The following DHRSX variants were observed in gnomAD, a reference collection of about 807,000 sequenced individuals.
DHRSX encodes dehydrogenase/reductase X-linked.
DHRSX carries 31 observed loss-of-function variants against 34.0 expected under a neutral mutation model. The observed-to-expected ratio is 0.91, with a 90% confidence interval of 0.69 to 1.23. DHRSX has a LOEUF of 1.23. Ranked by LOEUF, DHRSX falls within the 50% of genes most tolerant of loss-of-function variation. The probability of loss-of-function intolerance (pLI) is 0.00; values close to 1 mark genes in which losing one functional copy is unlikely to be tolerated. For missense variants in DHRSX, 414 were observed against 428.1 expected, an observed-to-expected ratio of 0.97 and a Z score of 0.29; for synonymous variants, 201 against 183.8, an observed-to-expected ratio of 1.09 and a Z score of -0.76.
At chrX:2,483,855 C>G (rs1416015878) in intron 1 of DHRSX, among the ~76,000 whole-genome samples, 1 of 151,036 alleles carries the variant, frequency 6.6e-6, no homozygotes, top group Admixed American at 6.6e-5. Context: ...GGCCCACTCA[C>G]CAAGAACAGT....
At chrX:2,443,427 A>G (rs187841987) in intron 1 of DHRSX, among the ~76,000 whole-genome samples, 1 of 152,180 alleles carries the variant, frequency 6.6e-6, no homozygotes, top group East Asian at 1.9e-4. Flanking sequence ...TCAAGGCAGC[A>G]TGCAAAACCA....
At chrX:2,224,428 A>T (rs1437226660) in intron 6 of DHRSX, among the ~76,000 whole-genome samples, 1 of 152,010 alleles carries the variant, frequency 6.6e-6, no homozygotes, top group Non-Finnish European at 1.5e-5. Context: ...TGCATATTCA[A>T]TTGCGACACA....
intron 3 of DHRSX, among the ~76,000 whole-genome samples, chrX:2,403,992 T>C (rs1476745294): frequency 2.6e-5 from 4 of 152,174 alleles, no homozygotes; most frequent in Non-Finnish European, 4.4e-5. Flanking sequence ...GGATCACATA[T>C]GTGAATTTTG....
chrX:2,246,743 AG>A (rs2016303635), intron 5 of DHRSX, among the ~76,000 whole-genome samples: 1 of 111,314 alleles, frequency 9.0e-6, no homozygotes, highest in African/African-American at 2.7e-5. Context: ...AAAGAAAGAA[AG>A]AAAGAAAAAG....
intron 4 of DHRSX, among the ~76,000 whole-genome samples, chrX:2,271,204 A>G (rs1351194004): frequency 6.6e-6 from 1 of 152,232 alleles, no homozygotes; most frequent in Non-Finnish European, 1.5e-5. Context: ...CCAGAAGGAA[A>G]AAACTCCAGG....
intron 1 of DHRSX, among the ~76,000 whole-genome samples, chrX:2,451,619 C>T (rs950301150): frequency 2.0e-5 from 3 of 152,178 alleles, no homozygotes; most frequent in Non-Finnish European, 4.4e-5. Context: ...CTGAGACGGC[C>T]ACGTGCAGAG....
chrX:2,353,257 GC>G (rs2042809328), intron 3 of DHRSX, among the ~76,000 whole-genome samples: 1 of 151,940 alleles, frequency 6.6e-6, no homozygotes, highest in Non-Finnish European at 1.5e-5. Context: ...AAAAGAAAAA[GC>G]GTCCAACACC....
intron 3 of DHRSX, among the ~76,000 whole-genome samples, chrX:2,331,776 A>C (rs1206907551): frequency 6.6e-6 from 1 of 151,900 alleles, no homozygotes; most frequent in Non-Finnish European, 1.5e-5. Context: ...AAAAAGTTCT[A>C]CTCTGGGTAA....
intron 3 of DHRSX, among the ~76,000 whole-genome samples, chrX:2,370,829 G>A (rs2043049441): frequency 6.6e-6 from 1 of 152,092 alleles, no homozygotes; most frequent in South Asian, 2.1e-4. Context: ...TGGAGCAAAC[G>A]TCAGAGGATC....
chrX:2,358,173 G>T (rs895261911), intron 3 of DHRSX, among the ~76,000 whole-genome samples: 20 of 152,132 alleles, frequency 1.3e-4, no homozygotes, highest in African/African-American at 4.6e-4. Flanking sequence ...AAGTTTCAAA[G>T]AGCTTCTGCA....
At chrX:2,451,645 G>A (rs1480889021) in intron 1 of DHRSX, among the ~76,000 whole-genome samples, 1 of 152,218 alleles carries the variant, frequency 6.6e-6, no homozygotes, top group South Asian at 2.1e-4. Flanking sequence ...CAGGCTGGCT[G>A]CGTCTCTCAC....
chrX:2,477,884 A>G (rs1415637968), intron 1 of DHRSX, among the ~76,000 whole-genome samples: 2 of 151,258 alleles, frequency 1.3e-5, no homozygotes, highest in Non-Finnish European at 2.9e-5. Context: ...AGGTGCACAG[A>G]GGCAGCCAGG....
At chrX:2,252,726 A>T (rs1292905311) in intron 5 of DHRSX, among the ~76,000 whole-genome samples, 1 of 152,196 alleles carries the variant, frequency 6.6e-6, no homozygotes, top group Non-Finnish European at 1.5e-5. Context: ...CAGGAGGTGA[A>T]GAAATGAATC....
intron 1 of DHRSX, among the ~76,000 whole-genome samples, chrX:2,454,879 G>A (rs753466281): frequency 1.6e-4 from 25 of 152,070 alleles, no homozygotes; most frequent in African/African-American, 6.0e-4. Flanking sequence ...TTGGGAGGCC[G>A]AGGCGGGTGG....
chrX:2,356,021 G>A (rs1470472275), intron 3 of DHRSX, among the ~76,000 whole-genome samples: 2 of 149,080 alleles, frequency 1.3e-5, no homozygotes, highest in African/African-American at 5.0e-5. Context: ...AGCCGAGATT[G>A]CGCCATTGCA....
chrX:2,358,823 T>G lies in DHRSX; in HGVS notation c.286+49922A>C. On this transcript the variant is annotated intron_variant, in intron 3 of 6. Transcript: ENST00000334651. The stretch of plus-strand genomic sequence containing the variant: ...TCTGAAAAAGTGCATGTAACTAAAG[T>G]CAAAAACCAAAGCTACTTGCGAGGC... 2.0e-5 allele frequency among the ~76,000 whole-genome samples: 3 copies of G among 151,418 alleles called. No individual in the cohort carries two copies. In the South Asian group the frequency reaches 6.3e-4, roughly 32 times the overall value.
chrX:2,344,388 C>T (rs1362566488), intron 3 of DHRSX, among the ~76,000 whole-genome samples: 1 of 152,100 alleles, frequency 6.6e-6, no homozygotes, highest in Non-Finnish European at 1.5e-5. Context: ...AACGCTTTTA[C>T]ACTGTTATTG....
At chrX:2,228,623 T>C (rs1003811697) in intron 6 of DHRSX, among the ~76,000 whole-genome samples, 8 of 151,848 alleles carry the variant, frequency 5.3e-5, no homozygotes, top group Non-Finnish European at 1.2e-4. Flanking sequence ...GTTCTGCCCC[T>C]ATTTGACCAA....
intron 3 of DHRSX, among the ~76,000 whole-genome samples, chrX:2,388,986 C>G (rs1402717972): frequency 6.6e-6 from 1 of 152,212 alleles, no homozygotes; most frequent in African/African-American, 2.4e-5. Flanking sequence ...GCAAGCCTAC[C>G]GACACGGTGA....
Sources: allele counts gnomAD v4.1 joint callset (sites outside exome capture counted in the v4.1 genomes callset), GRCh38; gene constraint gnomAD v4.1.1; transcripts MANE v1.5; gene names NCBI Gene and HGNC (gene_info 2026-07-23, HGNC 2026-07-21).